IGF2BP2: variants seen among roughly 807,000 people sequenced by gnomAD.
IGF2BP2 encodes insulin-like growth factor 2 mRNA-binding protein 2.
In IGF2BP2, 17 loss-of-function variants were observed where a neutral mutation model predicts 75.8. That is an observed-to-expected ratio of 0.22 (90% confidence interval 0.15 to 0.34). IGF2BP2 has a LOEUF of 0.34. Ranked by LOEUF, IGF2BP2 falls within the 10% of genes least tolerant of loss-of-function variation. IGF2BP2 has a pLI of 1.00. For missense variants in IGF2BP2, 516 were observed against 772.4 expected, an observed-to-expected ratio of 0.67 and a Z score of 3.93; for synonymous variants, 288 against 295.6, an observed-to-expected ratio of 0.97 and a Z score of 0.26.
chr3:185,810,264 C>T (rs974912793), intron 2 of IGF2BP2, among the ~76,000 whole-genome samples: 2 of 152,130 alleles, frequency 1.3e-5, no homozygotes, highest in African/African-American at 2.4e-5. Flanking sequence ...TTAGGCAACT[C>T]GAAGTTTCCT....
At chr3:185,659,829 T>TCGTTGACTAGGCTGGAGTGCAGTGG (rs1242381787) in intron 10 of IGF2BP2, among the ~76,000 whole-genome samples, 3 of 150,782 alleles carry the variant, frequency 2.0e-5, no homozygotes, top group Non-Finnish European at 4.4e-5. Context: ...GGTGTTTCAC[T>TCGTTGACTAGGCTGGAGTGCAGTGG]CGTTGACTAG....
At chr3:185,716,626 G>A in intron 2 of IGF2BP2, 1 of 520,058 alleles carries the variant, frequency 1.9e-6, no homozygotes, top group Non-Finnish European at 3.8e-6. Context: ...GGCAGGTAGG[G>A]AAGCACAGCA....
chr3:185,658,396 T>C lies in IGF2BP2; in HGVS notation c.1214A>G (p.Tyr405Cys). The change falls in exon 11 of 16, where the codon TAC becomes TGC. Residue 405 changes from tyrosine to cysteine, a missense_variant. Tyr to Cys is a radical substitution (Grantham distance 194). Transcript: ENST00000382199. Reference sequence around the variant, plus strand: ...GTGATGGGGGTACAGGCTGGAGAAGTATCCGGAGTGGGTCTGCAGCATGAG... The same window carrying C: ...GTGATGGGGGTACAGGCTGGAGAAGCATCCGGAGTGGGTCTGCAGCATGAG... ...PYHPFTTHSG[Y>C]FSSLYPHHQF... The C allele has an allele frequency of 1.2e-6, 2 of 1,613,780 alleles. No individual in the cohort carries two copies. Among genetic ancestry groups the C allele is most frequent in the Non-Finnish European group, 1.7e-6 (2 of 1,179,820 alleles).
chr3:185,786,370 T>C (rs946123443), intron 2 of IGF2BP2, among the ~76,000 whole-genome samples: 13 of 152,194 alleles, frequency 8.5e-5, no homozygotes, highest in African/African-American at 2.7e-4. Context: ...TATGTCCACA[T>C]GGCCTGAAGC....
At chr3:185,678,724 C>A (rs1719924286) in intron 7 of IGF2BP2, among the ~76,000 whole-genome samples, 1 of 152,180 alleles carries the variant, frequency 6.6e-6, no homozygotes, top group Admixed American at 6.5e-5. Context: ...AAGTAGGGCA[C>A]TTAAGTTTCC....
chr3:185,784,632 T>C (rs972935320), intron 2 of IGF2BP2, among the ~76,000 whole-genome samples: 3 of 152,234 alleles, frequency 2.0e-5, no homozygotes, highest in African/African-American at 7.2e-5. Context: ...CTGCTATTCA[T>C]CATCATCAAA....
chr3:185,691,229 G>C (rs981526275), intron 5 of IGF2BP2, among the ~76,000 whole-genome samples: 1 of 152,124 alleles, frequency 6.6e-6, no homozygotes, highest in Non-Finnish European at 1.5e-5. Flanking sequence ...CTCCCGAGTA[G>C]CTGGGATTAC....
intron 2 of IGF2BP2, chr3:185,722,416 C>T (rs1361735725): frequency 2.9e-6 from 1 of 342,372 alleles, no homozygotes; most frequent in East Asian, 1.0e-4. Flanking sequence ...GCATTGCCTT[C>T]TACTTCCTCC....
chr3:185,763,545 C>T (rs769654678), intron 2 of IGF2BP2, among the ~76,000 whole-genome samples: 1 of 152,144 alleles, frequency 6.6e-6, no homozygotes, highest in Non-Finnish European at 1.5e-5. Context: ...TTTTGGAATG[C>T]ATATTATGTG....
chr3:185,819,174 C>G lies in IGF2BP2; in HGVS notation c.239+3979G>C, dbSNP rs1192406280. Reference sequence around the variant, plus strand: ...AACATCTCTTACTGGTCATCTTATACCTGGCCATAAGTATAAGGAAACACA... The same window carrying G: ...AACATCTCTTACTGGTCATCTTATAGCTGGCCATAAGTATAAGGAAACACA... On this transcript the variant is annotated intron_variant, in intron 2 of 15. Coordinates refer to ENST00000382199, the MANE Select transcript of IGF2BP2 (RefSeq NM_006548.6). Among the ~76,000 whole-genome samples, 3 of 152,070 alleles carry G rather than the reference C, an allele frequency of 2.0e-5. No individual in the cohort carries two copies. In the South Asian group the frequency reaches 6.2e-4, roughly 32 times the overall value.
At chr3:185,781,463 A>C (rs1735189933) in intron 2 of IGF2BP2, among the ~76,000 whole-genome samples, 1 of 152,196 alleles carries the variant, frequency 6.6e-6, no homozygotes, top group Non-Finnish European at 1.5e-5. Context: ...AATCTGACTT[A>C]TAGGCTTTGT....
chr3:185,687,517 G>A (rs993819453), intron 6 of IGF2BP2, among the ~76,000 whole-genome samples: 1 of 152,356 alleles, frequency 6.6e-6, no homozygotes, highest in Non-Finnish European at 1.5e-5. Flanking sequence ...CTGCAGAAGT[G>A]AAGAGTAAAG....
intron 2 of IGF2BP2, among the ~76,000 whole-genome samples, chr3:185,813,845 C>CACCA (rs1051089804): frequency 6.6e-6 from 1 of 152,200 alleles, no homozygotes; most frequent in African/African-American, 2.4e-5. Flanking sequence ...ACACACCAGG[C>CACCA]ACCACACTGC....
chr3:185,795,186 C>G (rs892572730), intron 2 of IGF2BP2, among the ~76,000 whole-genome samples: 18 of 152,096 alleles, frequency 1.2e-4, no homozygotes, highest in African/African-American at 4.1e-4. Context: ...CATGAGCCAC[C>G]ACGCCCAGCC....
chr3:185,798,216 T>C (rs1737705279), intron 2 of IGF2BP2, among the ~76,000 whole-genome samples: 1 of 152,004 alleles, frequency 6.6e-6, no homozygotes, highest in South Asian at 2.1e-4. Context: ...AAAAATTGCT[T>C]TTCAGGGAAA....
chr3:185,702,115 T>C (rs1723389445), intron 2 of IGF2BP2, among the ~76,000 whole-genome samples: 1 of 152,208 alleles, frequency 6.6e-6, no homozygotes, highest in African/African-American at 2.4e-5. Context: ...ACTTATCTGC[T>C]AGTGCTGTGT....
At chr3:185,697,264 C>G (rs1474377292) in intron 3 of IGF2BP2, among the ~76,000 whole-genome samples, 1 of 152,140 alleles carries the variant, frequency 6.6e-6, no homozygotes, top group Non-Finnish European at 1.5e-5. Flanking sequence ...TGTCACCATG[C>G]CTGGCTAATT....
intron 2 of IGF2BP2, among the ~76,000 whole-genome samples, chr3:185,776,166 G>A (rs1439762702): frequency 6.6e-6 from 1 of 152,148 alleles, no homozygotes; most frequent in Non-Finnish European, 1.5e-5. Context: ...GATCACTTGA[G>A]CCCAGGAATT....
At chr3:185,705,299 G>A (rs1443183753) in intron 2 of IGF2BP2, among the ~76,000 whole-genome samples, 1 of 152,152 alleles carries the variant, frequency 6.6e-6, no homozygotes, top group Admixed American at 6.5e-5. Flanking sequence ...GTTTCACCAT[G>A]TTGGCCAGGG....
Sources: gnomAD v4.1 joint callset for allele counts (sites outside exome capture counted in the v4.1 genomes callset) on GRCh38, gnomAD v4.1.1 for gene constraint, MANE v1.5 for transcripts, NCBI Gene and HGNC (gene_info 2026-07-23, HGNC 2026-07-21) for gene names.